The following EEF1AKMT1 variants were observed in gnomAD, a reference collection of about 807,000 sequenced individuals.
EEF1AKMT1 encodes N-6 adenine-specific DNA methyltransferase 2 (putative).
EEF1AKMT1 carries 18 observed loss-of-function variants against 21.0 expected under a neutral mutation model. That is an observed-to-expected ratio of 0.86 (90% CI 0.59 to 1.27). The LOEUF (loss-of-function observed/expected upper bound fraction) is 1.27, where lower values mean the gene tolerates loss of function less well. Among genes scored for constraint, EEF1AKMT1 ranks in the 50% most tolerant of loss-of-function variants. The probability of loss-of-function intolerance (pLI) is 0.00; values close to 1 mark genes in which losing one functional copy is unlikely to be tolerated. For missense variants in EEF1AKMT1, 246 were observed against 258.6 expected, an observed-to-expected ratio of 0.95 and a Z score of 0.33; for synonymous variants, 109 against 94.8, an observed-to-expected ratio of 1.15 and a Z score of -0.87.
At chr13:20,745,061 A>G (rs7333188) in intron 2 of EEF1AKMT1, among the ~76,000 whole-genome samples, 56,928 of 152,168 alleles carry the variant, frequency 0.37, 12,608 homozygotes, top group Non-Finnish European at 0.5. Flanking sequence ...TTTTGGCAAC[A>G]GTGCCATGCT....
chr13:20,756,030 T>G (rs956868585), intron 2 of EEF1AKMT1, among the ~76,000 whole-genome samples: 2 of 152,158 alleles, frequency 1.3e-5, no homozygotes, highest in African/African-American at 2.4e-5. Flanking sequence ...GGCTTTAGAA[T>G]AAGTGGAACA....
Position 20,763,003 on chromosome 13 carries a change from T to G in EEF1AKMT1, c.-19-5386A>C, listed in dbSNP as rs369451172. 8.8e-4 allele frequency among the ~76,000 whole-genome samples: 134 copies of G among 152,342 alleles called. 3 individuals are homozygous for G. In the South Asian group the frequency reaches 0.026, roughly 29 times the overall value. On this transcript the variant is annotated intron_variant, in intron 1 of 4. Coordinates refer to ENST00000382758, the MANE Select transcript of EEF1AKMT1 (RefSeq NM_001318939.2). ...ACCAGTCTCACATTCCTGGAATAGG[T>G]TCCACTTAACTGATTCTTCTTATGT...
At position 20,729,199 on chromosome 13, in the gene EEF1AKMT1, G is replaced by C; in HGVS notation, c.526C>G (p.Gln176Glu). The change falls in exon 5 of 5, where the codon CAG becomes GAG. Residue 176 changes from glutamine to glutamate, a missense_variant. Transcript: ENST00000382758. ...TTCACTCCAAGGAGTTCTGCTGCCT[G>C]TTCTTCCATGATGGCACCTGAAGAG... ...LLCTGAIMEE[Q>E]AAELLGVKMC... is the part of the protein sequence containing the mutation. 1.2e-6 allele frequency: 2 copies of C among 1,614,102 alleles called. No individual in the cohort carries two copies. The highest frequency in any genetic ancestry group is 1.7e-6 in the Non-Finnish European group (2 of 1,180,016).
chr13:20,729,902 C>A (rs2058782264), intron 4 of EEF1AKMT1, among the ~76,000 whole-genome samples: 1 of 152,236 alleles, frequency 6.6e-6, no homozygotes. Flanking sequence ...CCCAAAACCT[C>A]GGTCAAGTTA....
chr13:20,739,256 G>T (rs558899819), intron 2 of EEF1AKMT1, among the ~76,000 whole-genome samples: 1 of 152,198 alleles, frequency 6.6e-6, no homozygotes, highest in Admixed American at 6.5e-5. Context: ...AGCTCATAAA[G>T]GCAACGCAGA....
chr13:20,730,443 G>A (rs8000775), intron 4 of EEF1AKMT1, among the ~76,000 whole-genome samples: 21,239 of 152,196 alleles, frequency 0.14, 1,623 homozygotes, highest in African/African-American at 0.17. Context: ...AGCACTCAAG[G>A]GTGTGGACAC....
rs1020434644 is a variant in EEF1AKMT1 at position 20,757,525 on chromosome 13, G to A, written c.74C>T (p.Ala25Val). 2 of 1,614,078 alleles carry A rather than the reference G, an allele frequency of 1.2e-6. No individual in the cohort carries two copies. The highest frequency in any genetic ancestry group is 1.7e-6 in the Non-Finnish European group (2 of 1,179,990). The stretch of plus-strand genomic sequence containing the variant: ...TGGCTCAATTTGTTGCTTTTGCTCA[G>A]CATAAAATTCCTGGAGAGCTGCTAA... The part of the protein sequence containing the change: ...HALAALQEFY[A>V]EQKQQIEPGE... The change falls in exon 2 of 5, where the codon GCT becomes GTT. Residue 25 changes from alanine (A) to valine (V), a missense_variant. Physicochemically the swap from Ala to Val is moderately conservative, Grantham distance 64. Transcript: ENST00000382758.
intron 3 of EEF1AKMT1, among the ~76,000 whole-genome samples, chr13:20,733,569 C>T (rs371180199): frequency 6.6e-6 from 1 of 152,126 alleles, no homozygotes; most frequent in Admixed American, 6.6e-5. Flanking sequence ...TGAAGCAGCC[C>T]TCTCTATGCT....
intron 1 of EEF1AKMT1, among the ~76,000 whole-genome samples, chr13:20,771,784 GC>G (rs2059063762): frequency 6.6e-6 from 1 of 152,178 alleles, no homozygotes; most frequent in African/African-American, 2.4e-5. Context: ...ATCGAGGCGG[GC>G]AGATCACCTT....
chr13:20,746,369 T>C (rs1441986374), intron 2 of EEF1AKMT1, among the ~76,000 whole-genome samples: 1 of 152,212 alleles, frequency 6.6e-6, no homozygotes, highest in Non-Finnish European at 1.5e-5. Flanking sequence ...GTCAGGCTGG[T>C]CTCGAACTCC....
chr13:20,732,135 T>G lies in EEF1AKMT1; in HGVS notation c.228-14A>C. ...ACACATGCGATTCTAGGAGACAAAA[T>G]GAACACACCATGAAACATCCTTAAC... On this transcript the variant is annotated splice_polypyrimidine_tract_variant and intron_variant, in intron 3 of 4. Coordinates refer to ENST00000382758, the MANE Select transcript of EEF1AKMT1 (RefSeq NM_001318939.2). The G allele has an allele frequency of 6.3e-7, 1 of 1,598,822 alleles. No homozygotes were observed. Among genetic ancestry groups the G allele is most frequent in the Non-Finnish European group, 8.5e-7 (1 of 1,173,010 alleles).
chr13:20,740,551 T>C (rs1216832648), intron 2 of EEF1AKMT1, among the ~76,000 whole-genome samples: 1 of 152,210 alleles, frequency 6.6e-6, no homozygotes, highest in Non-Finnish European at 1.5e-5. Flanking sequence ...ACGCCTGTAA[T>C]CCCAGCACTT....
intron 2 of EEF1AKMT1, among the ~76,000 whole-genome samples, chr13:20,745,632 T>G (rs1242765716): frequency 2.0e-5 from 3 of 152,136 alleles, no homozygotes; most frequent in Admixed American, 1.3e-4. Flanking sequence ...GGGTGGATCA[T>G]GAGGTCAGGA....
chr13:20,748,032 A>G (rs2058916982), intron 2 of EEF1AKMT1: 2 of 228,524 alleles, frequency 8.8e-6, no homozygotes, highest in South Asian at 7.8e-5. Flanking sequence ...TTTGAACTGG[A>G]CTTGGGACTC....
intron 1 of EEF1AKMT1, among the ~76,000 whole-genome samples, chr13:20,766,945 T>A (rs2059037231): frequency 6.6e-6 from 1 of 152,202 alleles, no homozygotes; most frequent in Non-Finnish European, 1.5e-5. Flanking sequence ...TTGTTATAAA[T>A]GCCACACTAC....
intron 2 of EEF1AKMT1, among the ~76,000 whole-genome samples, chr13:20,738,415 A>G (rs535132107): frequency 1.2e-4 from 19 of 152,250 alleles, no homozygotes; most frequent in Admixed American, 7.9e-4. Flanking sequence ...TTATAAATTA[A>G]GCAGGAGTTT....
intron 2 of EEF1AKMT1, among the ~76,000 whole-genome samples, chr13:20,738,828 A>G (rs1319499808): frequency 6.6e-6 from 1 of 152,114 alleles, no homozygotes; most frequent in Non-Finnish European, 1.5e-5. Flanking sequence ...GGGAGGATTG[A>G]GGGATTAGGA....
Position 20,736,046 on chromosome 13 carries a change from G to C in EEF1AKMT1, c.227+1677C>G, listed in dbSNP as rs187962505. ...AAAATAGGAACAGAAAAAAAAAGTG[G>C]GGAAAGAAATAATTTAAGATAATTT... is the stretch of plus-strand genomic sequence containing the variant. On this transcript the variant is annotated intron_variant, in intron 3 of 4. Transcript: ENST00000382758. Among the ~76,000 whole-genome samples the C allele has an allele frequency of 1.9e-3, 295 of 152,190 alleles. 1 individual carries two copies. The highest frequency in any genetic ancestry group is 3.5e-3 in the Non-Finnish European group (238 of 68,016).
intron 2 of EEF1AKMT1, chr13:20,747,446 G>T: frequency 5.6e-6 from 1 of 178,082 alleles, no homozygotes; most frequent in Non-Finnish European, 1.2e-5. Flanking sequence ...AGATCTCTGT[G>T]CCAGTTAGGC....
Sources: allele counts gnomAD v4.1 joint callset (sites outside exome capture counted in the v4.1 genomes callset), GRCh38; gene constraint gnomAD v4.1.1; transcripts MANE v1.5; gene names NCBI Gene and HGNC (gene_info 2026-07-23, HGNC 2026-07-21).